Variants in L1CAM observed in about 807,000 individuals in gnomAD.
L1CAM encodes the protein L1 cell adhesion molecule, also known as neural cell adhesion molecule L1.
Under a neutral mutation model 93.0 loss-of-function variants are expected in L1CAM, and 8 were observed. That is an observed-to-expected ratio of 0.09 (90% CI 0.05 to 0.16). The LOEUF (loss-of-function observed/expected upper bound fraction) is 0.16. Among genes scored for constraint, L1CAM ranks in the 10% least tolerant of loss-of-function variants. The pLI is 1.00. For synonymous variants in L1CAM, 453 were observed against 453.0 expected (o/e 1.00, Z 0.00); for missense variants, 777 against 1,073.4 (o/e 0.72, Z 3.86).
intron 26 of L1CAM, 106 bp from the exon 27 acceptor site, chrX:153,863,655 G>A: frequency 2.3e-6 from 2 of 869,658 alleles, no homozygotes; most frequent in Non-Finnish European, 3.3e-6. Flanking sequence ...ACAGCGCCCA[G>A]AGGCAAGAGG....
intron 7 of L1CAM, 65 bp from the exon 8 acceptor site, chrX:153,870,564 A>G: frequency 1.0e-6 from 1 of 974,052 alleles, no homozygotes; most frequent in Middle Eastern, 2.6e-4. Context: ...TGCAAGGCTG[A>G]GGGACTCGAC....
intron 2 of L1CAM, among the ~76,000 whole-genome samples, chrX:153,874,298 C>G (rs1281460777): frequency 8.8e-6 from 1 of 113,000 alleles, no homozygotes; most frequent in African/African-American, 3.2e-5. Flanking sequence ...TCTCTCTCCC[C>G]ACTCCCATCT....
Position 153,870,777 on chromosome X carries a change from C to A in L1CAM, c.694+13G>T. 8.3e-7 allele frequency: 1 copy of A among 1,205,486 alleles called. No individual in the cohort carries two copies. Among genetic ancestry groups the A allele is most frequent in the Non-Finnish European group, 1.1e-6 (1 of 889,865 alleles). The stretch of plus-strand genomic sequence containing the variant: ...AGGAGTCAGGGAGAGAGTGCAGAGC[C>A]TCTGAGACTCACTGGCCTTGACCCG... On this transcript the variant is annotated intron_variant, in intron 7 of 28. Transcript: ENST00000370060.
rs200345582 is a variant in L1CAM at position 153,872,564 on chromosome X, A to G, written c.197+28T>C. 2.3e-5 allele frequency: 26 copies of G among 1,133,276 alleles called. No individual in the cohort carries two copies. In the South Asian group the frequency reaches 4.7e-4, roughly 21 times the overall value. 93.4% of individuals were successfully genotyped at this position (1,133,276 alleles called of 1,213,427 possible). A position where few individuals can be genotyped will look rare whatever the true frequency, so the allele number is the denominator to read the frequency against. ...AAGGCCGGGGTCAGTGGCAGGCAAC[A>G]GGGGCTGAGACGGCAGAGATCACTC... On this transcript the variant is annotated intron_variant, in intron 4 of 28. Coordinates refer to ENST00000370060, the MANE Select transcript of L1CAM (RefSeq NM_001278116.2).
chrX:153,878,983 G>T (rs868984995), intron 1 of L1CAM, among the ~76,000 whole-genome samples: 4 of 111,092 alleles, frequency 3.6e-5, no homozygotes, highest in African/African-American at 9.8e-5. Flanking sequence ...CAGCCAGAAG[G>T]TTGCGAGATA....
chrX:153,871,176 G>T lies in L1CAM; in HGVS notation c.404C>A (p.Ala135Asp). The T allele has an allele frequency of 8.4e-7, 1 of 1,184,774 alleles. No individual in the cohort carries two copies. The highest frequency in any genetic ancestry group is 1.1e-6 in the Non-Finnish European group (1 of 880,915). The change falls in exon 6 of 29, where the codon GCC (alanine) becomes GAC (aspartate). Residue 135 changes from alanine (A) to aspartate (D), a missense_variant. By Grantham distance (126) the Ala-to-Asp change is moderately radical (BLOSUM62 -2). Coordinates refer to ENST00000370060, the MANE Select transcript of L1CAM (RefSeq NM_001278116.2). Reference protein sequence around the residue: ...SHEIRLMAEGAPKWPKETVKP... With the variant: ...SHEIRLMAEGDPKWPKETVKP... ...CACTGTCTCCTTTGGCCACTTGGGG[G>T]CACCTAGAAGGGACAGACGGGCTGA... is the stretch of plus-strand genomic sequence containing the variant.
intron 1 of L1CAM, among the ~76,000 whole-genome samples, chrX:153,877,074 G>A (rs1445128432): frequency 2.7e-5 from 3 of 109,378 alleles, no homozygotes; most frequent in Non-Finnish European, 3.8e-5. Flanking sequence ...TTGGGAGGCC[G>A]AGGTGGGTGG....
intron 5 of L1CAM, 83 bp downstream of exon 5, chrX:153,872,069 C>T: frequency 3.5e-6 from 3 of 868,248 alleles, no homozygotes; most frequent in Non-Finnish European, 5.0e-6. Flanking sequence ...CGCCACGAGA[C>T]AACTGGCTGA....
Position 153,868,721 on chromosome X carries a change from G to A in L1CAM, c.1386C>T (p.Asp462=), listed in dbSNP as rs200209432. 20 of 1,210,215 alleles carry A rather than the reference G, an allele frequency of 1.7e-5. No homozygotes were observed. In the Admixed American group the frequency reaches 2.4e-4, roughly 15 times the overall value. ...CCTGAAGCACTGTTGTCCCATCCTCGTCCAGCCTGGAGGGAGCAGGGCGGG... is the reference window on the plus strand; with the variant it reads ...CCTGAAGCACTGTTGTCCCATCCTCATCCAGCCTGGAGGGAGCAGGGCGGG... The part of the protein sequence containing the change: ...GAPVPSVQWL[D]EDGTTVLQDE... The change falls in exon 13 of 29, where the codon GAC becomes GAT. Residue 462 remains aspartate (D), a synonymous_variant. Transcript: ENST00000370060.
rs782313143 is a variant in L1CAM, at chrX:153,868,035, C to T, written c.1791G>A (p.Leu597=). 3.3e-6 allele frequency: 4 copies of T among 1,211,078 alleles called. No individual in the cohort carries two copies. The highest frequency in any genetic ancestry group is 4.5e-6 in the Non-Finnish European group (4 of 895,283). ...GNYSCVASTE[L]DVVESRAQLL... ...GCTGTGCCCTACTCTCCACCACATC[C>T]AGTTCGGTACTGGCCACGCAGCTGT... The change falls in exon 15 of 29, where the codon CTG becomes CTA. Residue 597 remains leucine, a synonymous_variant. Coordinates refer to ENST00000370060, the MANE Select transcript of L1CAM (RefSeq NM_001278116.2).
chrX:153,874,578 C>G (rs1289268934), intron 2 of L1CAM, among the ~76,000 whole-genome samples: 3 of 112,509 alleles, frequency 2.7e-5, no homozygotes, highest in Non-Finnish European at 5.6e-5. Context: ...CAAGCCCTCA[C>G]TGCCTCCCAA....
At position 153,870,212 on chromosome X, in the gene L1CAM, G is replaced by C. The variant is rs200386290; in HGVS notation, c.835C>G (p.Pro279Ala). The part of the protein sequence containing the change: ...FPTPTIKWLR[P>A]SGPMPADRVT... ...CGGTCGGCTGGCATGGGGCCACTGG[G>C]GCGCAGCCATTTGATGGTGGGCGTG... The change falls in exon 9 of 29, where the codon CCC (proline) becomes GCC (alanine). Residue 279 changes from proline to alanine, a missense_variant. Pro to Ala is a conservative substitution (Grantham distance 27). Around this residue, in one of 5 missense-constraint regions of L1CAM, gnomAD observed 574 missense variants for 781.0 expected, o/e 0.73. Coordinates refer to ENST00000370060, the MANE Select transcript of L1CAM (RefSeq NM_001278116.2). The C allele has an allele frequency of 7.3e-5, 88 of 1,210,351 alleles. 1 individual carries two copies. Among genetic ancestry groups the C allele is most frequent in the Non-Finnish European group, 1.1e-5 (10 of 895,026 alleles).
intron 1 of L1CAM, chrX:153,876,224 A>C (rs2064813268): frequency 2.5e-6 from 1 of 399,415 alleles, no homozygotes; most frequent in Admixed American, 4.4e-5. Context: ...TCCCAGCACC[A>C]ACTTGTTGCC....
intron 4 of L1CAM, 56 bp downstream of exon 4, chrX:153,872,536 C>A: frequency 1.9e-6 from 2 of 1,040,577 alleles, no homozygotes; most frequent in Non-Finnish European, 2.7e-6. Context: ...TCCAGGGAGG[C>A]ACAAGGCCGG....
chrX:153,869,777 C>T, intron 10 of L1CAM, 26 bp downstream of exon 10: 1 of 1,210,108 alleles, frequency 8.3e-7, no homozygotes, highest in Non-Finnish European at 1.1e-6. Flanking sequence ...GCCACACTCC[C>T]CACTCCTGCC....
chrX:153,866,328 G>GAAAGA (rs1245786285), intron 19 of L1CAM, among the ~76,000 whole-genome samples: 3 of 95,478 alleles, frequency 3.1e-5, no homozygotes, highest in African/African-American at 4.0e-5. Flanking sequence ...AAAAAAAAAA[G>GAAAGA]AAAGAAAAGA....
intron 16 of L1CAM, 24 bp from the exon 17 acceptor site, chrX:153,867,577 G>T: frequency 2.5e-6 from 3 of 1,177,660 alleles, no homozygotes; most frequent in Non-Finnish European, 3.5e-6. Context: ...AACCGACAAT[G>T]GAGTGATCAG....
rs868933229 is a variant in L1CAM, at chrX:153,880,015, G to A, written c.-108-4071C>T. ...ATCCTCCCCGGTGGGAAAGGGCCAGGGAGGCAAGGGTCACGCCCAGCAGCC... is the reference window on the plus strand; with the variant it reads ...ATCCTCCCCGGTGGGAAAGGGCCAGAGAGGCAAGGGTCACGCCCAGCAGCC... On this transcript the variant is annotated intron_variant, in intron 1 of 28. Coordinates refer to ENST00000370060, the MANE Select transcript of L1CAM (RefSeq NM_001278116.2). 2.7e-5 allele frequency among the ~76,000 whole-genome samples: 3 copies of A among 111,760 alleles called. No homozygotes were observed. In the South Asian group the frequency reaches 1.1e-3, roughly 42 times the overall value.
Position 153,863,937 on chromosome X carries a change from G to C in L1CAM, c.3403C>G (p.Leu1135Val), listed in dbSNP as rs782800477. Residue 1135 changes from leucine to valine, a missense_variant, in exon 26 of 29, where the codon CTC becomes GTC. Coordinates refer to ENST00000370060, the MANE Select transcript of L1CAM (RefSeq NM_001278116.2). ...ATGAAGCAGAGGATGAGCAGGACGAGGAGCAGGAGGATGATGGCACTCACA... is the reference window on the plus strand; with the variant it reads ...ATGAAGCAGAGGATGAGCAGGACGACGAGCAGGAGGATGATGGCACTCACA... ...GFVSAIILLL[L>V]VLLILCFIKR... is the part of the protein sequence containing the mutation. The C allele has an allele frequency of 8.2e-7, 1 of 1,212,215 alleles. No homozygotes were observed. The highest frequency in any genetic ancestry group is 1.1e-6 in the Non-Finnish European group (1 of 895,481).
Sources: allele counts gnomAD v4.1 joint callset (sites outside exome capture counted in the v4.1 genomes callset), GRCh38; gene constraint gnomAD v4.1.1; regional missense constraint gnomAD v4.1.1; transcripts MANE v1.5; gene names NCBI Gene and HGNC (gene_info 2026-07-23, HGNC 2026-07-21).